ERO1B: variants seen among roughly 807,000 people sequenced by gnomAD.
ERO1B encodes the protein ERO1-like protein beta.
Under a neutral mutation model 75.3 loss-of-function variants are expected in ERO1B, and 49 were observed. The observed-to-expected ratio is 0.65, with a 90% confidence interval of 0.52 to 0.83. ERO1B has a LOEUF of 0.83. ERO1B is among the 40% of genes least tolerant of loss of function. The pLI is 0.00. For synonymous variants in ERO1B, 191 were observed against 192.9 expected (o/e 0.99, Z 0.08); for missense variants, 512 against 560.1 (o/e 0.91, Z 0.87).
chr1:236,259,114 G>A (rs927366343), intron 2 of ERO1B, among the ~76,000 whole-genome samples: 3 of 151,932 alleles, frequency 2.0e-5, no homozygotes, highest in Non-Finnish European at 4.4e-5. Flanking sequence ...GGGTGGGGAG[G>A]CAAGTAAAAG....
intron 5 of ERO1B, among the ~76,000 whole-genome samples, chr1:236,246,739 A>G (rs1664895854): frequency 6.6e-6 from 1 of 152,186 alleles, no homozygotes; most frequent in Non-Finnish European, 1.5e-5. Context: ...GGAAGGTGAT[A>G]ATGACTAGGA....
intron 2 of ERO1B, among the ~76,000 whole-genome samples, chr1:236,260,195 G>A (rs908172387): frequency 3.3e-5 from 5 of 151,912 alleles, no homozygotes; most frequent in African/African-American, 1.2e-4. Context: ...TGACATCGAA[G>A]AAAAAGAGAC....
In ERO1B at chr1:236,263,778, C is replaced by CTTTTTTTTTTTTTTTTTTT; in HGVS notation, c.222+6078_222+6096dup. On this transcript the variant is annotated intron_variant, in intron 2 of 15. Transcript: ENST00000354619. ...TATATTTTTTGTTTTATTTTGTTTG[C>CTTTTTTTTTTTTTTTTTTT]TTTTTTTTTTTTTTTTTTTTTTTTT... is the stretch of plus-strand genomic sequence containing the variant. 2.7e-4 allele frequency among the ~76,000 whole-genome samples: 22 copies of CTTTTTTTTTTTTTTTTTTT among 80,294 alleles called. 3 individuals carry two copies. Among genetic ancestry groups the CTTTTTTTTTTTTTTTTTTT allele is most frequent in the Non-Finnish European group, 3.3e-4 (13 of 39,768 alleles). 52.7% of individuals were successfully genotyped at this position (80,294 alleles called of 152,430 possible). A position where few individuals can be genotyped will look rare whatever the true frequency, so the allele number is the denominator to read the frequency against.
chr1:236,241,045 C>G (rs1364102775), intron 6 of ERO1B, among the ~76,000 whole-genome samples: 1 of 151,890 alleles, frequency 6.6e-6, no homozygotes, highest in Admixed American at 6.6e-5. Context: ...TATTAAATTA[C>G]TAAATTATTT....
intron 8 of ERO1B, among the ~76,000 whole-genome samples, chr1:236,233,873 G>A (rs1224027554): frequency 6.6e-6 from 1 of 152,138 alleles, no homozygotes; most frequent in Admixed American, 6.5e-5. Context: ...GCTTCCAGGA[G>A]GCCTAGAGGT....
chr1:236,266,423 G>A (rs1394544920), intron 2 of ERO1B, among the ~76,000 whole-genome samples: 1 of 152,114 alleles, frequency 6.6e-6, no homozygotes, highest in Non-Finnish European at 1.5e-5. Flanking sequence ...GGCCAACATG[G>A]TGAAACCCCG....
At position 236,278,750 on chromosome 1, in the gene ERO1B, G is replaced by C. The variant is rs565936158; in HGVS notation, c.102+2932C>G. ...CTTTAGTTTCCAGTGCTTCACCAAA[G>C]TATATTTACATTTCATTTATACGAT... On this transcript the variant is annotated intron_variant, in intron 1 of 15. Coordinates refer to ENST00000354619, the MANE Select transcript of ERO1B (RefSeq NM_019891.4). Among the ~76,000 whole-genome samples the C allele has an allele frequency of 3.3e-5, 5 of 152,224 alleles. No individual in the cohort carries two copies. In the East Asian group the frequency reaches 9.7e-4, roughly 29 times the overall value.
At chr1:236,279,679 A>ACC (rs749672219) in intron 1 of ERO1B, among the ~76,000 whole-genome samples, 1 of 53,794 alleles carries the variant, frequency 1.9e-5, no homozygotes, top group South Asian at 4.9e-4. Context: ...AAAAAAAAAA[A>ACC]AACACACACA....
rs1664019771 is a variant in ERO1B, at chr1:236,217,490, T to C, written c.*1026A>G. On this transcript the variant is annotated 3_prime_UTR_variant, in exon 16 of 16. Coordinates refer to ENST00000354619, the MANE Select transcript of ERO1B (RefSeq NM_019891.4). ...CTAATCTACCTTTTTATATATCCTGTCAGGGAAAAGCACACTGAGTTCGAG... is the reference window on the plus strand; with the variant it reads ...CTAATCTACCTTTTTATATATCCTGCCAGGGAAAAGCACACTGAGTTCGAG... 6.6e-6 allele frequency: 1 copy of C among 152,536 alleles called. No homozygotes were observed. Among genetic ancestry groups the C allele is most frequent in the South Asian group, 2.1e-4 (1 of 4,830 alleles). 9.4% of individuals were successfully genotyped at this position (152,536 alleles called of 1,614,324 possible). A position where few individuals can be genotyped will look rare whatever the true frequency, so the allele number is the denominator to read the frequency against.
intron 1 of ERO1B, among the ~76,000 whole-genome samples, chr1:236,279,606 A>C (rs1242011417): frequency 2.0e-5 from 3 of 151,274 alleles, no homozygotes; most frequent in Admixed American, 1.3e-4. Context: ...AGGCAGGCGG[A>C]TCACCTTAGG....
intron 10 of ERO1B, among the ~76,000 whole-genome samples, chr1:236,228,280 T>C (rs1225535566): frequency 6.6e-6 from 1 of 152,086 alleles, no homozygotes; most frequent in Non-Finnish European, 1.5e-5. Flanking sequence ...GGGAGAGGAA[T>C]AGAAATGTAT....
At chr1:236,262,920 C>A (rs1012660422) in intron 2 of ERO1B, among the ~76,000 whole-genome samples, 1 of 152,120 alleles carries the variant, frequency 6.6e-6, no homozygotes, top group African/African-American at 2.4e-5. Context: ...CTTATTTCCT[C>A]TGGTGGCCTT....
Position 236,218,491 on chromosome 1 carries a change from C to A in ERO1B, c.*25G>T. ...GGCTTTCCACAGTCACTTTATGTCT[C>A]TAGTTAGACACATAAAAGCCTTTAT... On this transcript the variant is annotated 3_prime_UTR_variant, in exon 16 of 16. Coordinates refer to ENST00000354619, the MANE Select transcript of ERO1B (RefSeq NM_019891.4). 2 of 1,428,534 alleles carry A rather than the reference C, an allele frequency of 1.4e-6. No individual in the cohort carries two copies. Among genetic ancestry groups the A allele is most frequent in the East Asian group, 5.6e-5 (2 of 35,464 alleles). The allele number at this position is 1,428,534 out of a possible 1,614,324, so 88.5% of individuals were successfully genotyped here.
At chr1:236,221,764 C>T (rs1664148787) in intron 14 of ERO1B, 160 bp downstream of exon 14, 1 of 583,888 alleles carries the variant, frequency 1.7e-6, no homozygotes, top group South Asian at 2.1e-5. Flanking sequence ...ACATGTAACA[C>T]ATATACTTTA....
rs1664012896 is a variant in ERO1B at position 236,217,257 on chromosome 1, T to A, written c.*1259A>T. The A allele has an allele frequency of 6.6e-6, 1 of 152,106 alleles. No homozygotes were observed. Among genetic ancestry groups the A allele is most frequent in the Non-Finnish European group, 1.5e-5 (1 of 67,990 alleles). The allele number at this position is 152,106 out of a possible 1,614,324, so 9.4% of individuals were successfully genotyped here. ...CTGCATTACTTCTACACAGATGCAA[T>A]CTTCCAAATTGTATCTGCTGACATT... is the stretch of plus-strand genomic sequence containing the variant. On this transcript the variant is annotated 3_prime_UTR_variant, in exon 16 of 16. Coordinates refer to ENST00000354619, the MANE Select transcript of ERO1B (RefSeq NM_019891.4).
intron 1 of ERO1B, among the ~76,000 whole-genome samples, chr1:236,279,641 C>T (rs774523644): frequency 6.7e-6 from 1 of 148,684 alleles, no homozygotes; most frequent in Non-Finnish European, 1.5e-5. Context: ...CCAGCTCGGC[C>T]AACATGGCAA....
chr1:236,235,956 A>T, intron 7 of ERO1B, 121 bp from the exon 8 acceptor site: 1 of 861,370 alleles, frequency 1.2e-6, no homozygotes, highest in Non-Finnish European at 1.8e-6. Context: ...ACAGAGTTTC[A>T]CTTAGTCACC....
chr1:236,241,263 G>C (rs1664692212), intron 6 of ERO1B, among the ~76,000 whole-genome samples: 1 of 152,150 alleles, frequency 6.6e-6, no homozygotes, highest in Admixed American at 6.5e-5. Flanking sequence ...ACTACTATAG[G>C]CCAGGCACGG....
chr1:236,231,418 G>A (rs12563048), intron 9 of ERO1B, among the ~76,000 whole-genome samples: 10,343 of 148,182 alleles, frequency 0.07, 746 homozygotes, highest in East Asian at 0.4. Flanking sequence ...AAGTGTTTTC[G>A]CCAAAAAAAT....
Sources: allele counts gnomAD v4.1 joint callset (sites outside exome capture counted in the v4.1 genomes callset), GRCh38; gene constraint gnomAD v4.1.1; transcripts MANE v1.5; gene names NCBI Gene and HGNC (gene_info 2026-07-23, HGNC 2026-07-21).